The following KDR variants were observed in gnomAD, a reference collection of about 807,000 sequenced individuals.
KDR encodes kinase insert domain receptor.
A neutral mutation model predicts 160.9 loss-of-function variants in KDR; 43 were observed. The ratio of observed to expected loss-of-function variants is 0.27; its 90% CI spans 0.21 to 0.34. KDR has a LOEUF of 0.34. Ranked by LOEUF, KDR falls within the 10% of genes least tolerant of loss-of-function variation. The pLI, the probability that KDR is intolerant of heterozygous loss-of-function variation, is 1.00. For synonymous variants in KDR, 617 were observed against 600.1 expected, an observed-to-expected ratio of 1.03 and a Z score of -0.41; for missense variants, 1,469 against 1,666.4, an observed-to-expected ratio of 0.88 and a Z score of 2.06.
chr4:55,085,138 G>A (rs562378949), intron 27 of KDR, among the ~76,000 whole-genome samples: 5 of 152,268 alleles, frequency 3.3e-5, no homozygotes, highest in South Asian at 2.1e-4. Flanking sequence ...AGCAATTGCC[G>A]ATGGTCCCCA....
In KDR at chr4:55,107,768, G is replaced by A. The variant is rs2110025296; in HGVS notation, c.1381C>T (p.Gln461Ter). Reference sequence around the variant, plus strand: ...TCGTTGGCGCACTCTTCCTCCAACTGCCAATACCAGTGGATGTGATGCGGG... The same window carrying A: ...TCGTTGGCGCACTCTTCCTCCAACTACCAATACCAGTGGATGTGATGCGGG... ...PPPHHIHWYW[Q>*]LEEECANEPS... Residue 461 changes from glutamine to a stop codon, truncating the protein, a stop_gained, in exon 10 of 30, where the codon CAG becomes TAG. Transcript: ENST00000263923. LOFTEE classifies it high-confidence loss of function. The A allele has an allele frequency of 6.2e-7, 1 of 1,613,974 alleles. No individual in the cohort carries two copies. Among genetic ancestry groups the A allele is most frequent in the Non-Finnish European group, 8.5e-7 (1 of 1,179,896 alleles).
At chr4:55,098,406 C>T (rs1720216738) in intron 16 of KDR, 134 bp from the exon 17 acceptor site, 11 of 1,065,286 alleles carry the variant, frequency 1.0e-5, no homozygotes, top group Non-Finnish European at 1.6e-5. Context: ...TGAGAGTGGT[C>T]CTATTATAAC....
intron 14 of KDR, 116 bp downstream of exon 14, chr4:55,102,246 G>T: frequency 7.4e-7 from 1 of 1,346,578 alleles, no homozygotes; most frequent in Non-Finnish European, 1.1e-6. Context: ...AATGAGCCAG[G>T]TCATGGACAC....
intron 29 of KDR, among the ~76,000 whole-genome samples, chr4:55,081,139 T>C (rs775171838): frequency 6.6e-6 from 1 of 152,238 alleles, no homozygotes; most frequent in Non-Finnish European, 1.5e-5. Flanking sequence ...CCTTGGGCCT[T>C]AAAGAAAACA....
In KDR at chr4:55,086,996, G is replaced by A. The variant is rs557806344; in HGVS notation, c.3662+611C>T. Among the ~76,000 whole-genome samples, 291 of 152,352 alleles carry A rather than the reference G, an allele frequency of 1.9e-3. 3 individuals carry two copies. The highest frequency in any genetic ancestry group is 2.7e-3 in the Non-Finnish European group (181 of 68,032). ...CTTTCCTTATGCACAGGTGCTGGGA[G>A]AGAGAAAAAAGAAAGCTGCCTTTAG... On this transcript the variant is annotated intron_variant, in intron 27 of 29. Coordinates refer to ENST00000263923, the MANE Select transcript of KDR (RefSeq NM_002253.4).
chr4:55,097,874 C>T, intron 17 of KDR, 108 bp from the exon 18 acceptor site: 1 of 866,000 alleles, frequency 1.2e-6, no homozygotes, highest in East Asian at 2.5e-5. Flanking sequence ...CCCAATTTAA[C>T]ATGGATAGTC....
chr4:55,124,195 A>T (rs1465727011), intron 1 of KDR, among the ~76,000 whole-genome samples: 2 of 151,574 alleles, frequency 1.3e-5, no homozygotes, highest in Non-Finnish European at 2.9e-5. Context: ...GGAGTAAGAA[A>T]TTTTTTTCCC....
intron 27 of KDR, among the ~76,000 whole-genome samples, chr4:55,087,060 G>A (rs1020196808): frequency 6.6e-6 from 1 of 152,200 alleles, no homozygotes; most frequent in African/African-American, 2.4e-5. Context: ...CAGTGCATGT[G>A]TTTTAAATAA....
chr4:55,101,808 C>CAGCTGCATGGATGG, intron 15 of KDR, 89 bp downstream of exon 15: 4 of 1,126,722 alleles, frequency 3.6e-6, no homozygotes, highest in Non-Finnish European at 5.3e-6. Context: ...TCCATCCATG[C>CAGCTGCATGGATGG]AGCTGCAAAG....
chr4:55,116,056 T>C (rs1720728816), intron 3 of KDR, among the ~76,000 whole-genome samples: 1 of 152,222 alleles, frequency 6.6e-6, no homozygotes, highest in South Asian at 2.1e-4. Flanking sequence ...GTTTAACATT[T>C]AGCAGTCATT....
At chr4:55,117,070 A>G (rs1720755251) in intron 3 of KDR, among the ~76,000 whole-genome samples, 1 of 152,230 alleles carries the variant, frequency 6.6e-6, no homozygotes, top group Non-Finnish European at 1.5e-5. Context: ...ATGAAATATT[A>G]CATAACTTGC....
At chr4:55,098,396 TGAGAGTGGTCC>T in intron 16 of KDR, 124 bp from the exon 17 acceptor site, 1 of 1,197,118 alleles carries the variant, frequency 8.4e-7, no homozygotes, top group Non-Finnish European at 1.2e-6. Context: ...TCATGGAGTT[TGAGAGTGGTCC>T]TATTATAACC....
In KDR at chr4:55,125,382, A is replaced by T; in HGVS notation, c.-89T>A. ...TCTAGAGAAGGAGGCGCGGAGGTGG[A>T]ACTCGCGGCACCCCGCAGCGCAGGA... On this transcript the variant is annotated 5_prime_UTR_variant, in exon 1 of 30. Coordinates refer to ENST00000263923, the MANE Select transcript of KDR (RefSeq NM_002253.4). 1 of 1,463,334 alleles carries T rather than the reference A, an allele frequency of 6.8e-7. No individual in the cohort carries two copies. Among genetic ancestry groups the T allele is most frequent in the African/African-American group, 1.4e-5 (1 of 71,778 alleles). The allele number at this position is 1,463,334 out of a possible 1,614,324, so 90.6% of individuals were successfully genotyped here. A position where few individuals can be genotyped will look rare whatever the true frequency, so the allele number is the denominator to read the frequency against.
At position 55,095,601 on chromosome 4, in the gene KDR, C is replaced by T. The variant is rs893568533; in HGVS notation, c.2793G>A (p.Lys931=). 9.9e-6 allele frequency: 16 copies of T among 1,613,114 alleles called. No individual in the cohort carries two copies. Among genetic ancestry groups the T allele is most frequent in the African/African-American group, 9.3e-5 (7 of 74,876 alleles). Residue 931 remains lysine, a synonymous_variant, in exon 20 of 30, where the codon AAG becomes AAA. Transcript: ENST00000263923. ...CCTTGTAGGGGACAAATTCATTTCT[C>T]TTGCTCCTCAGGTAAGTGGACAGGT... ...FGNLSTYLRS[K]RNEFVPYKTK...
chr4:55,099,278 C>T (rs1339952540), intron 15 of KDR, among the ~76,000 whole-genome samples: 1 of 152,142 alleles, frequency 6.6e-6, no homozygotes, highest in Non-Finnish European at 1.5e-5. Flanking sequence ...CCTTGGCCTC[C>T]CAAAGTGCAG....
At chr4:55,103,368 T>C (rs575662480) in intron 13 of KDR, among the ~76,000 whole-genome samples, 59 of 152,330 alleles carry the variant, frequency 3.9e-4, no homozygotes, top group African/African-American at 1.3e-3. Flanking sequence ...GCGTACTACA[T>C]TGAAGTCTAA....
chr4:55,107,917 T>C, intron 9 of KDR, 24 bp from the exon 10 acceptor site: 1 of 1,613,462 alleles, frequency 6.2e-7, no homozygotes, highest in East Asian at 2.2e-5. Context: ...AAACAACTTT[T>C]GAATTGTCAG....
rs760016644 is a variant in KDR at position 55,106,819 on chromosome 4, AAG to A, written c.1413-11_1413-10del. 1 of 1,603,552 alleles carries A rather than the reference AAG, an allele frequency of 6.2e-7. No individual in the cohort carries two copies. The highest frequency in any genetic ancestry group is 1.1e-5 in the South Asian group (1 of 90,892). ...TCACTGAGACAGCTTGGCTATAAGA[AAG>A]AGATAACAGCGCATATTATGATTTA... On this transcript the variant is annotated splice_polypyrimidine_tract_variant and intron_variant, in intron 10 of 29. Coordinates refer to ENST00000263923, the MANE Select transcript of KDR (RefSeq NM_002253.4).
At chr4:55,092,186 C>T (rs949421782) in intron 22 of KDR, 1 of 231,728 alleles carries the variant, frequency 4.3e-6, no homozygotes, top group Admixed American at 5.1e-5. Flanking sequence ...CATAAACATA[C>T]ACAAGTGCAT....
Sources: gnomAD v4.1 joint callset for allele counts (sites outside exome capture counted in the v4.1 genomes callset) on GRCh38, gnomAD v4.1.1 for gene constraint, MANE v1.5 for transcripts, NCBI Gene and HGNC (gene_info 2026-07-23, HGNC 2026-07-21) for gene names.